Variants in CNTN4 observed in about 807,000 individuals in gnomAD.
The protein encoded by CNTN4 is contactin 4.
CNTN4 carries 77 observed loss-of-function variants against 122.5 expected under a neutral mutation model. The ratio of observed to expected loss-of-function variants is 0.63; its 90% CI spans 0.52 to 0.76. The LOEUF is 0.76. CNTN4 is among the 30% of genes least tolerant of loss of function. The pLI, the probability that CNTN4 is intolerant of heterozygous loss-of-function variation, is 0.00. For synonymous variants in CNTN4, 512 were observed against 447.0 expected, an observed-to-expected ratio of 1.15 and a Z score of -1.83; for missense variants, 1,256 against 1,259.1, an observed-to-expected ratio of 1.00 and a Z score of 0.04.
chr3:2,561,036 T>G lies in CNTN4; in HGVS notation c.-88-10380T>G, dbSNP rs139921929. Among the ~76,000 whole-genome samples the G allele has an allele frequency of 7.2e-4, 110 of 152,320 alleles. 2 individuals are homozygous for G. The East Asian group carries it at 0.018, about 24-fold the overall frequency. ...GGCTGTCCGAGCAATCAGCAAGCTG[T>G]GCGTAATGATGGACATACTAGTAAG... On this transcript the variant is annotated intron_variant, in intron 3 of 24. Transcript: ENST00000418658.
At chr3:2,710,658 C>T (rs1457420536) in intron 4 of CNTN4, among the ~76,000 whole-genome samples, 1 of 152,016 alleles carries the variant, frequency 6.6e-6, no homozygotes, top group Non-Finnish European at 1.5e-5. Context: ...TTTCTGGCCA[C>T]CCGTGGACTT....
intron 6 of CNTN4, among the ~76,000 whole-genome samples, chr3:2,785,114 TACAC>T (rs150765167): frequency 1.9e-3 from 265 of 138,922 alleles, no homozygotes; most frequent in Admixed American, 4.5e-3. Context: ...TGTACATGCG[TACAC>T]ACACACACAC....
At chr3:2,909,941 G>A (rs1368951142) in intron 12 of CNTN4, among the ~76,000 whole-genome samples, 5 of 152,144 alleles carry the variant, frequency 3.3e-5, no homozygotes, top group African/African-American at 1.2e-4. Flanking sequence ...GGCTTTTGTT[G>A]TTGTTTTTAA....
chr3:2,833,437 G>A (rs2093146278), intron 7 of CNTN4, among the ~76,000 whole-genome samples: 1 of 141,024 alleles, frequency 7.1e-6, no homozygotes, highest in South Asian at 2.3e-4. Flanking sequence ...AGGTAGTAAA[G>A]TTCCAACCCA....
Position 2,148,942 on chromosome 3 carries a change from CTGTGTG to C in CNTN4, c.-145+48327_-145+48332del, listed in dbSNP as rs59161687. Among the ~76,000 whole-genome samples the C allele has an allele frequency of 5.1e-3, 758 of 149,206 alleles. 7 individuals are homozygous for C. Among genetic ancestry groups the C allele is most frequent in the East Asian group, 0.017 (86 of 5,078 alleles). On this transcript the variant is annotated intron_variant, in intron 2 of 24. Transcript: ENST00000418658. ...ACATTACATCCCCTTACTACCGTGA[CTGTGTG>C]TGTGTGTGTGTGTGTGTGTGTGTTG... is the stretch of plus-strand genomic sequence containing the variant.
chr3:2,405,992 A>G (rs1291004224), intron 3 of CNTN4, among the ~76,000 whole-genome samples: 5 of 151,844 alleles, frequency 3.3e-5, no homozygotes, highest in African/African-American at 1.2e-4. Flanking sequence ...ACGTCACTGA[A>G]CTCCAGCCTA....
chr3:2,214,197 C>A (rs998822921), intron 2 of CNTN4, among the ~76,000 whole-genome samples: 1 of 152,086 alleles, frequency 6.6e-6, no homozygotes, highest in South Asian at 2.1e-4. Flanking sequence ...TACTTCCTCT[C>A]CTGAGTATGG....
intron 4 of CNTN4, among the ~76,000 whole-genome samples, chr3:2,697,461 A>G (rs939278350): frequency 6.6e-6 from 1 of 152,160 alleles, no homozygotes; most frequent in African/African-American, 2.4e-5. Context: ...TGCTGAATCT[A>G]TGTGGAAAGG....
At chr3:2,127,873 C>G (rs1324435406) in intron 2 of CNTN4, among the ~76,000 whole-genome samples, 1 of 152,138 alleles carries the variant, frequency 6.6e-6, no homozygotes, top group African/African-American at 2.4e-5. Flanking sequence ...CAAAAGCAAG[C>G]TCAAAGCTGA....
At chr3:2,663,515 T>C (rs968256658) in intron 4 of CNTN4, among the ~76,000 whole-genome samples, 15 of 152,076 alleles carry the variant, frequency 9.9e-5, no homozygotes, top group Admixed American at 9.8e-4. Context: ...GGGTCTGAAG[T>C]ATAGGAAGGA....
chr3:2,246,879 T>C (rs1011386556), intron 2 of CNTN4, among the ~76,000 whole-genome samples: 2 of 151,932 alleles, frequency 1.3e-5, no homozygotes, highest in Non-Finnish European at 2.9e-5. Context: ...TTCAGTGTAA[T>C]GTGGCTGCGA....
chr3:2,385,421 C>T lies in CNTN4; in HGVS notation c.-89+46188C>T, dbSNP rs953228553. ...TCTCCACTATTACCTGAGCAATATT[C>T]CTGGTGTCTTGTTCATAGCAGATGC... On this transcript the variant is annotated intron_variant, in intron 3 of 24. Coordinates refer to ENST00000418658, the MANE Select transcript of CNTN4 (RefSeq NM_175607.3). The surrounding 1 kb of genome is among the most constrained non-coding windows in gnomAD (Gnocchi z 4.0). Among the ~76,000 whole-genome samples the T allele has an allele frequency of 1.3e-5, 2 of 152,058 alleles. No homozygotes were observed. The highest frequency in any genetic ancestry group is 6.6e-5 in the Admixed American group (1 of 15,236).
chr3:2,845,983 T>C (rs958903996), intron 7 of CNTN4, among the ~76,000 whole-genome samples: 3 of 152,236 alleles, frequency 2.0e-5, no homozygotes, highest in Non-Finnish European at 2.9e-5. Flanking sequence ...ATCATAGAGA[T>C]GCCATTTTTG....
At chr3:2,554,082 A>C (rs545776958) in intron 3 of CNTN4, among the ~76,000 whole-genome samples, 38 of 152,260 alleles carry the variant, frequency 2.5e-4, no homozygotes, top group Non-Finnish European at 4.7e-4. Flanking sequence ...GTTCAGCTTT[A>C]CTCCTGTCTG....
At chr3:2,196,578 C>G (rs1474923228) in intron 2 of CNTN4, among the ~76,000 whole-genome samples, 1 of 152,008 alleles carries the variant, frequency 6.6e-6, no homozygotes. Context: ...TTTGTTGGTA[C>G]CATTCATTCA....
At chr3:2,706,153 A>T (rs1159073820) in intron 4 of CNTN4, among the ~76,000 whole-genome samples, 1 of 151,312 alleles carries the variant, frequency 6.6e-6, no homozygotes, top group Admixed American at 6.7e-5. Context: ...ACTACAGAAA[A>T]TCATTTTTAA....
chr3:2,129,197 A>G (rs1348785207), intron 2 of CNTN4, among the ~76,000 whole-genome samples: 1 of 151,316 alleles, frequency 6.6e-6, no homozygotes. Flanking sequence ...ATTTTTTGAT[A>G]CTAGGAAAGC....
At position 2,729,336 on chromosome 3, in the gene CNTN4, G is replaced by A. The variant is rs371439930; in HGVS notation, c.56-6879G>A. On this transcript the variant is annotated intron_variant, in intron 4 of 24. Coordinates refer to ENST00000418658, the MANE Select transcript of CNTN4 (RefSeq NM_175607.3). The stretch of plus-strand genomic sequence containing the variant: ...TCCTAGCACTTTGGGAGGCCAAGGC[G>A]GGCGGATCACGAGGTCAGGAGATTG... 1.1e-3 allele frequency among the ~76,000 whole-genome samples: 172 copies of A among 151,502 alleles called. 1 individual carries two copies. The South Asian group carries it at 0.025, about 22-fold the overall frequency.
intron 3 of CNTN4, among the ~76,000 whole-genome samples, chr3:2,367,600 C>T (rs1180106104): frequency 6.6e-6 from 1 of 152,170 alleles, no homozygotes; most frequent in Non-Finnish European, 1.5e-5. Context: ...TCTCAGCTCA[C>T]TGCAACCTCC....
Sources: allele counts gnomAD v4.1 joint callset (sites outside exome capture counted in the v4.1 genomes callset), GRCh38; gene constraint gnomAD v4.1.1; non-coding constraint Gnocchi (gnomAD v3.1); transcripts MANE v1.5; gene names NCBI Gene and HGNC (gene_info 2026-07-23, HGNC 2026-07-21).